The following AUH variants were observed in gnomAD, a reference collection of about 807,000 sequenced individuals.
AUH encodes methylglutaconyl-CoA hydratase, mitochondrial.
AUH carries 29 observed loss-of-function variants against 42.3 expected under a neutral mutation model. The observed-to-expected ratio is 0.69, with a 90% CI of 0.51 to 0.93. The LOEUF (loss-of-function observed/expected upper bound fraction) is 0.93, where lower values mean the gene tolerates loss of function less well. Among genes scored for constraint, AUH ranks in the 40% least tolerant of loss-of-function variants. The pLI, the probability that AUH is intolerant of heterozygous loss-of-function variation, is 0.00. For synonymous variants in AUH, 174 were observed against 166.4 expected, an observed-to-expected ratio of 1.05 and a Z score of -0.35; for missense variants, 452 against 438.1, an observed-to-expected ratio of 1.03 and a Z score of -0.28.
intron 6 of AUH, among the ~76,000 whole-genome samples, chr9:91,276,414 C>CA (rs58728272): frequency 0.013 from 1,459 of 110,188 alleles, 15 homozygotes; most frequent in African/African-American, 0.029. Context: ...CCCTGTCTCC[C>CA]AAAAAAAAAA....
chr9:91,304,572 G>A (rs1376837222), intron 4 of AUH, among the ~76,000 whole-genome samples: 1 of 152,120 alleles, frequency 6.6e-6, no homozygotes, highest in Admixed American at 6.5e-5. Context: ...TGTACCTAAA[G>A]CTTATAGGAA....
intron 6 of AUH, among the ~76,000 whole-genome samples, chr9:91,250,225 C>A (rs1315153953): frequency 6.6e-6 from 1 of 152,088 alleles, no homozygotes. Flanking sequence ...CCTCCCAGTG[C>A]ACACCCACCT....
chr9:91,240,278 C>T (rs1323414461), intron 6 of AUH, among the ~76,000 whole-genome samples: 1 of 152,216 alleles, frequency 6.6e-6, no homozygotes, highest in Non-Finnish European at 1.5e-5. Flanking sequence ...ACCAATAGCA[C>T]TGTGCACCCC....
intron 4 of AUH, among the ~76,000 whole-genome samples, chr9:91,321,101 T>C (rs976816268): frequency 2.0e-5 from 3 of 152,250 alleles, no homozygotes; most frequent in African/African-American, 4.8e-5. Flanking sequence ...TATTTTGAAA[T>C]GTATTTTGAC....
chr9:91,290,909 G>A (rs370714259), intron 6 of AUH, among the ~76,000 whole-genome samples: 5 of 152,004 alleles, frequency 3.3e-5, no homozygotes, highest in African/African-American at 7.3e-5. Flanking sequence ...CCAAAAAGTC[G>A]CTGTATTCAT....
At chr9:91,266,437 T>C (rs1328505030) in intron 6 of AUH, among the ~76,000 whole-genome samples, 3 of 151,778 alleles carry the variant, frequency 2.0e-5, no homozygotes, top group African/African-American at 7.3e-5. Context: ...AAAAGTAGGG[T>C]AAAGACCACA....
chr9:91,250,470 A>G (rs1247536857), intron 6 of AUH, among the ~76,000 whole-genome samples: 2 of 152,170 alleles, frequency 1.3e-5, no homozygotes, highest in Non-Finnish European at 2.9e-5. Flanking sequence ...TTTTCCACAC[A>G]CGGAGACAGG....
At chr9:91,292,905 G>A (rs566368708) in intron 6 of AUH, among the ~76,000 whole-genome samples, 1 of 152,124 alleles carries the variant, frequency 6.6e-6, no homozygotes. Context: ...TTTTCCAACA[G>A]TATGTGCTTA....
At chr9:91,283,306 G>A (rs1396491170) in intron 6 of AUH, among the ~76,000 whole-genome samples, 5 of 151,962 alleles carry the variant, frequency 3.3e-5, no homozygotes, top group Admixed American at 6.5e-5. Context: ...TTGATGGGAC[G>A]TATCTCAAAA....
chr9:91,230,830 G>T (rs1827829687), intron 6 of AUH, among the ~76,000 whole-genome samples: 1 of 152,198 alleles, frequency 6.6e-6, no homozygotes, highest in African/African-American at 2.4e-5. Flanking sequence ...GTATCAGTGT[G>T]CCCCTGCTGG....
rs1486515920 is a variant in AUH, at chr9:91,361,906, G to A, written c.-17C>T. Reference sequence around the variant, plus strand: ...GGCCGCCATGTTGTCTGTTTACGGCGTGGACCTGCGACGGCCGCTCCGCCC... The same window carrying A: ...GGCCGCCATGTTGTCTGTTTACGGCATGGACCTGCGACGGCCGCTCCGCCC... On this transcript the variant is annotated 5_prime_UTR_variant, in exon 1 of 10. The change creates a new upstream start codon in the 5' untranslated region. Transcript: ENST00000375731. 9.2e-6 allele frequency: 13 copies of A among 1,410,264 alleles called. No individual in the cohort carries two copies. Among genetic ancestry groups the A allele is most frequent in the Non-Finnish European group, 1.2e-5 (13 of 1,085,278 alleles). 87.4% of individuals were successfully genotyped at this position (1,410,264 alleles called of 1,614,324 possible). A position where few individuals can be genotyped will look rare whatever the true frequency, so the allele number is the denominator to read the frequency against.
At chr9:91,315,082 G>A (rs113951111) in intron 4 of AUH, among the ~76,000 whole-genome samples, 10,882 of 152,182 alleles carry the variant, frequency 0.072, 673 homozygotes, top group East Asian at 0.26. Context: ...GATTACAGGC[G>A]TGCGCCACCA....
chr9:91,331,781 C>T (rs1355473386), intron 3 of AUH, among the ~76,000 whole-genome samples: 1 of 152,184 alleles, frequency 6.6e-6, no homozygotes, highest in African/African-American at 2.4e-5. Context: ...GTAAACTACT[C>T]CAATGAACTT....
intron 3 of AUH, among the ~76,000 whole-genome samples, chr9:91,332,346 A>G (rs1367282402): frequency 6.6e-6 from 1 of 152,176 alleles, no homozygotes; most frequent in Non-Finnish European, 1.5e-5. Flanking sequence ...TACTAAAAAC[A>G]CAAAAATTAG....
intron 6 of AUH, among the ~76,000 whole-genome samples, chr9:91,285,817 G>A (rs180933956): frequency 3.9e-5 from 6 of 152,186 alleles, no homozygotes; most frequent in East Asian, 1.9e-4. Context: ...TCGTGTATAC[G>A]CAAGGTATGT....
Position 91,214,528 on chromosome 9 carries a change from T to C in AUH, c.943-103A>G, listed in dbSNP as rs546970960. Reference sequence around the variant, plus strand: ...CTACTTAGAACCACATTCTAAAATTTTGAAATCAGTCACCTGAACAATTCT... The same window carrying C: ...CTACTTAGAACCACATTCTAAAATTCTGAAATCAGTCACCTGAACAATTCT... On this transcript the variant is annotated intron_variant, in intron 9 of 9. Coordinates refer to ENST00000375731, the MANE Select transcript of AUH (RefSeq NM_001698.3). 115 of 962,086 alleles carry C rather than the reference T, an allele frequency of 1.2e-4. 3 individuals carry two copies. The East Asian group carries it at 1.3e-3, about 11-fold the overall frequency. The allele number at this position is 962,086 out of a possible 1,614,324, so 59.6% of individuals were successfully genotyped here.
chr9:91,282,838 A>C (rs548930910), intron 6 of AUH, among the ~76,000 whole-genome samples: 22 of 152,294 alleles, frequency 1.4e-4, no homozygotes, highest in Admixed American at 4.6e-4. Flanking sequence ...CCAACCAAAA[A>C]AAGTCCAGGA....
At chr9:91,342,903 T>C (rs1164476728) in intron 3 of AUH, 1 of 152,350 alleles carries the variant, frequency 6.6e-6, no homozygotes, top group Non-Finnish European at 1.5e-5. Flanking sequence ...CTTAACCTAC[T>C]CAACATGAAG....
At chr9:91,344,633 T>C (rs981203487) in intron 3 of AUH, among the ~76,000 whole-genome samples, 1 of 152,204 alleles carries the variant, frequency 6.6e-6, no homozygotes, top group Non-Finnish European at 1.5e-5. Flanking sequence ...AATGACTTCG[T>C]TGGTGAATTT....
Sources: allele counts gnomAD v4.1 joint callset (sites outside exome capture counted in the v4.1 genomes callset), GRCh38; gene constraint gnomAD v4.1.1; transcripts MANE v1.5; gene names NCBI Gene and HGNC (gene_info 2026-07-23, HGNC 2026-07-21).